XYLT2: variants seen among roughly 807,000 people sequenced by gnomAD.
XYLT2 encodes UDP-D-xylose:proteoglycan core protein beta-D-xylosyltransferase.
XYLT2 carries 37 observed loss-of-function variants against 82.6 expected under a neutral mutation model. The ratio of observed to expected loss-of-function variants is 0.45; its 90% CI spans 0.34 to 0.59. The LOEUF is 0.59. Among genes scored for constraint, XYLT2 ranks in the 20% least tolerant of loss-of-function variants. The pLI, the probability that XYLT2 is intolerant of heterozygous loss-of-function variation, is 0.01. For synonymous variants in XYLT2, 474 were observed against 499.0 expected (o/e 0.95, Z 0.67); for missense variants, 934 against 1,181.3 (o/e 0.79, Z 3.07).
Position 50,353,865 on chromosome 17 carries a change from G to A in XYLT2, c.371G>A (p.Ser124Asn). Reference protein sequence around the residue: ...PPEAPGRQNLSGAAAGEALVG... With the variant: ...PPEAPGRQNLNGAAAGEALVG... ...GAAGCCCCAGGCCGCCAGAACCTGA[G>A]TGGGGCAGCAGCTGGGGAGGCGCTG... The change falls in exon 2 of 11, where the codon AGT (serine) becomes AAT (asparagine). Residue 124 changes from serine (S) to asparagine (N), a missense_variant. Ser to Asn is a conservative substitution (Grantham distance 46). Coordinates refer to ENST00000017003, the MANE Select transcript of XYLT2 (RefSeq NM_022167.4). 1.2e-6 allele frequency: 2 copies of A among 1,608,720 alleles called. No individual in the cohort carries two copies. Among genetic ancestry groups the A allele is most frequent in the African/African-American group, 1.3e-5 (1 of 75,016 alleles).
At position 50,356,132 on chromosome 17, in the gene XYLT2, C is replaced by T. The variant is rs747895863; in HGVS notation, c.1353C>T (p.Leu451=). The change falls in exon 7 of 11, where the codon CTC becomes CTT. Residue 451 remains leucine (L), a synonymous_variant. Transcript: ENST00000017003. ...VLENSLACET[L]VDNNLRVTNW... is the part of the protein sequence containing the mutation. Reference sequence around the variant, plus strand: ...AGAACAGCCTGGCCTGTGAGACCCTCGTGGACAACAACCTGCGGGTCACCA... The same window carrying T: ...AGAACAGCCTGGCCTGTGAGACCCTTGTGGACAACAACCTGCGGGTCACCA... The T allele has an allele frequency of 1.0e-4, 165 of 1,614,122 alleles. No individual in the cohort carries two copies. The highest frequency in any genetic ancestry group is 1.3e-4 in the Non-Finnish European group (148 of 1,180,054).
At chr17:50,354,642 GCAGA>G (rs1435383505) in intron 3 of XYLT2, 59 bp downstream of exon 3, 45 of 1,561,364 alleles carry the variant, frequency 2.9e-5, no homozygotes, top group East Asian at 9.0e-5. Flanking sequence ...ACAGAAGGTT[GCAGA>G]CAGACAGAGT....
At chr17:50,353,582 G>A in intron 1 of XYLT2, 48 bp from the exon 2 acceptor site, 2 of 1,529,336 alleles carry the variant, frequency 1.3e-6, no homozygotes, top group Non-Finnish European at 1.8e-6. Flanking sequence ...CAAGGAACAG[G>A]AGGAGGTGAG....
chr17:50,349,489 C>CT (rs1912166752), intron 1 of XYLT2, among the ~76,000 whole-genome samples: 1 of 152,216 alleles, frequency 6.6e-6, no homozygotes. Context: ...TGGCTCATGC[C>CT]TGTAATCTCA....
chr17:50,356,802 C>A, intron 8 of XYLT2, 29 bp downstream of exon 8: 2 of 1,583,198 alleles, frequency 1.3e-6, no homozygotes, highest in Non-Finnish European at 1.7e-6. Flanking sequence ...ATACAGCAGG[C>A]CCTTGGGGTG....
rs561067359 is a variant in XYLT2 at position 50,354,165 on chromosome 17, G to C, written c.628+43G>C. 565 of 1,597,538 alleles carry C rather than the reference G, an allele frequency of 3.5e-4. 5 individuals are homozygous for C. In the South Asian group the frequency reaches 5.8e-3, roughly 16 times the overall value. Reference sequence around the variant, plus strand: ...TCCAGCCCTTCCCAGGCGGGGGCAGGGGGGTGGCATGGCCCGGATCCTCAC... The same window carrying C: ...TCCAGCCCTTCCCAGGCGGGGGCAGCGGGGTGGCATGGCCCGGATCCTCAC... On this transcript the variant is annotated intron_variant, in intron 2 of 10. Transcript: ENST00000017003.
rs772058919 is a variant in XYLT2 at position 50,356,527 on chromosome 17, C to T, written c.1499C>T (p.Thr500Ile). 4.3e-6 allele frequency: 7 copies of T among 1,614,000 alleles called. No homozygotes were observed. The highest frequency in any genetic ancestry group is 3.3e-5 in the Admixed American group (2 of 59,998). ...FLRLQQVSRP[T>I]FFARKFESTV... Reference sequence around the variant, plus strand: ...CCACTCCAGCAAGTCTCCAGACCCACCTTCTTCGCCCGGAAGTTCGAGTCG... The same window carrying T: ...CCACTCCAGCAAGTCTCCAGACCCATCTTCTTCGCCCGGAAGTTCGAGTCG... The change falls in exon 8 of 11, where the codon ACC (threonine) becomes ATC (isoleucine). Residue 500 changes from threonine (T) to isoleucine (I), a missense_variant. By Grantham distance (89) the Thr-to-Ile change is moderately conservative. Transcript: ENST00000017003.
chr17:50,355,451 G>T lies in XYLT2; in HGVS notation c.1008-50G>T. On this transcript the variant is annotated intron_variant, in intron 4 of 10. Transcript: ENST00000017003. ...GCCAGAAGGTCCGCTCTGGGCCAGT[G>T]ACTGAGCAACTATCTCATGTGGCTG... is the stretch of plus-strand genomic sequence containing the variant. The T allele has an allele frequency of 1.9e-6, 3 of 1,591,494 alleles. No homozygotes were observed. The South Asian group carries it at 3.3e-5, about 18-fold the overall frequency.
chr17:50,348,093 G>C (rs1221175649), intron 1 of XYLT2, among the ~76,000 whole-genome samples: 1 of 148,574 alleles, frequency 6.7e-6, no homozygotes, highest in Non-Finnish European at 1.5e-5. Flanking sequence ...TGTGCATTGG[G>C]AATACGATTC....
rs766695209 is a variant in XYLT2 at position 50,355,914 on chromosome 17, T to C, written c.1222T>C (p.Phe408Leu). 4.3e-6 allele frequency: 7 copies of C among 1,614,212 alleles called. No homozygotes were observed. In the South Asian group the frequency reaches 6.6e-5, roughly 15 times the overall value. ...GSDWFVLTRS[F>L]VEYVVYTDDP... The stretch of plus-strand genomic sequence containing the variant: ...TGACTGGTTCGTGCTGACACGCAGC[T>C]TTGTGGAGTATGTGGTGTACACAGA... The change falls in exon 6 of 11, where the codon TTT (phenylalanine) becomes CTT (leucine). Residue 408 changes from phenylalanine (F) to leucine (L), a missense_variant. Physicochemically the swap from Phe to Leu is conservative, Grantham distance 22. Around this residue, in one of 3 missense-constraint regions of XYLT2, gnomAD observed 189 missense variants for 320.8 expected, o/e 0.59. Coordinates refer to ENST00000017003, the MANE Select transcript of XYLT2 (RefSeq NM_022167.4).
rs1467059208 is a variant in XYLT2 at position 50,358,558 on chromosome 17, A to T, written c.2275+18A>T. 2 of 1,597,264 alleles carry T rather than the reference A, an allele frequency of 1.3e-6. No homozygotes were observed. The highest frequency in any genetic ancestry group is 1.7e-6 in the Non-Finnish European group (2 of 1,169,422). ...CAGGAAAGGTAAGCGTGCAGTTCTC[A>T]AATGAGGCCCAGAAGCCAGACAGAA... On this transcript the variant is annotated intron_variant, in intron 10 of 10. Coordinates refer to ENST00000017003, the MANE Select transcript of XYLT2 (RefSeq NM_022167.4).
chr17:50,354,254 G>A, intron 2 of XYLT2, 132 bp downstream of exon 2: 1 of 1,513,982 alleles, frequency 6.6e-7, no homozygotes. Context: ...TCTTCATCCA[G>A]TGTACTTACT....
chr17:50,358,530 T>C lies in XYLT2; in HGVS notation c.2265T>C (p.Pro755=). The change falls in exon 10 of 11, where the codon CCT becomes CCC. Residue 755 remains proline (P), a synonymous_variant. Coordinates refer to ENST00000017003, the MANE Select transcript of XYLT2 (RefSeq NM_022167.4). ...CCTTGACCTTCAACCGCAAACTACC[T>C]CTCAGGAAAGGTAAGCGTGCAGTTC... The part of the protein sequence containing the change: ...VLPLTFNRKL[P]LRKDDASWLH... 6.2e-7 allele frequency: 1 copy of C among 1,611,736 alleles called. No homozygotes were observed. The highest frequency in any genetic ancestry group is 8.5e-7 in the Non-Finnish European group (1 of 1,178,194).
chr17:50,358,453 C>G lies in XYLT2; in HGVS notation c.2188C>G (p.Arg730Gly). 2 of 1,614,182 alleles carry G rather than the reference C, an allele frequency of 1.2e-6. No homozygotes were observed. Among genetic ancestry groups the G allele is most frequent in the Non-Finnish European group, 1.7e-6 (2 of 1,180,046 alleles). The change falls in exon 10 of 11, where the codon CGA (arginine) becomes GGA (glycine). Residue 730 changes from arginine to glycine, a missense_variant. By Grantham distance (125) the Arg-to-Gly change is moderately radical. Around this residue, in one of 3 missense-constraint regions of XYLT2, gnomAD observed 374 missense variants for 465.6 expected, o/e 0.80. Coordinates refer to ENST00000017003, the MANE Select transcript of XYLT2 (RefSeq NM_022167.4). ...RPLRPGPWTV[R>G]LLQFWEPLGE... ...CCTGCGGCCAGGGCCCTGGACTGTTCGACTCCTTCAGTTCTGGGAACCGCT... is the reference window on the plus strand; with the variant it reads ...CCTGCGGCCAGGGCCCTGGACTGTTGGACTCCTTCAGTTCTGGGAACCGCT...
chr17:50,355,991 A>G lies in XYLT2; in HGVS notation c.1299A>G (p.Pro433=). Residue 433 remains proline (P), a synonymous_variant, in exon 6 of 11, where the codon CCA becomes CCG. Transcript: ENST00000017003. ...AGTTCTACACATACACACTGCTCCC[A>G]GCCGAGGTGGGTAGCCCAGCAGGCA... The part of the protein sequence containing the change: ...LRQFYTYTLL[P]AESFFHTVLE... The G allele has an allele frequency of 6.2e-7, 1 of 1,614,230 alleles. No individual in the cohort carries two copies. The highest frequency in any genetic ancestry group is 8.5e-7 in the Non-Finnish European group (1 of 1,180,034).
chr17:50,349,745 G>A (rs1490521844), intron 1 of XYLT2, among the ~76,000 whole-genome samples: 1 of 152,146 alleles, frequency 6.6e-6, no homozygotes, highest in Non-Finnish European at 1.5e-5. Flanking sequence ...GTAGGGTAGT[G>A]GGTAGGTTGG....
rs1014512062 is a variant in XYLT2 at position 50,358,199 on chromosome 17, C to G, written c.1942-8C>G. The G allele has an allele frequency of 2.3e-5, 36 of 1,580,180 alleles. No homozygotes were observed. Among genetic ancestry groups the G allele is most frequent in the African/African-American group, 4.1e-5 (3 of 73,930 alleles). ...CACACTCCTGCCCAGCTGCCTCTCT[C>G]TCTACAGGTTGGCACTGATTGGGAC... On this transcript the variant is annotated splice_region_variant and splice_polypyrimidine_tract_variant and intron_variant, in intron 9 of 10. Coordinates refer to ENST00000017003, the MANE Select transcript of XYLT2 (RefSeq NM_022167.4).
chr17:50,358,680 T>A (rs780082475), intron 10 of XYLT2, 140 bp downstream of exon 10: 9 of 890,400 alleles, frequency 1.0e-5, no homozygotes, highest in Non-Finnish European at 1.5e-5. Context: ...GGCCTTCATC[T>A]TCTTTCCTGT....
intron 9 of XYLT2, chr17:50,357,869 C>T (rs895771553): frequency 1.5e-5 from 4 of 271,794 alleles, no homozygotes; most frequent in Non-Finnish European, 2.8e-5. Context: ...CGCAAGCCAC[C>T]GCGCCTGGCC....
Sources: gnomAD v4.1 joint callset for allele counts (sites outside exome capture counted in the v4.1 genomes callset) on GRCh38, gnomAD v4.1.1 for gene constraint, gnomAD v4.1.1 regional missense constraint, MANE v1.5 for transcripts, NCBI Gene and HGNC (gene_info 2026-07-23, HGNC 2026-07-21) for gene names.